SVEP1: variants seen among roughly 807,000 people sequenced by gnomAD.
The protein encoded by SVEP1 is sushi, von Willebrand factor type A, EGF and pentraxin domain containing 1.
A neutral mutation model predicts 367.3 loss-of-function variants in SVEP1; 164 were observed. That is an observed-to-expected ratio of 0.45 (90% confidence interval 0.39 to 0.51). The LOEUF is 0.51. Among genes scored for constraint, SVEP1 ranks in the 20% least tolerant of loss-of-function variants. The pLI is 0.00. For synonymous variants in SVEP1, 1,666 were observed against 1,611.6 expected (o/e 1.03, Z -0.81); for missense variants, 4,117 against 4,425.3 (o/e 0.93, Z 1.98).
chr9:110,486,303 A>G (rs1383772871), intron 9 of SVEP1, among the ~76,000 whole-genome samples: 2 of 152,230 alleles, frequency 1.3e-5, no homozygotes, highest in African/African-American at 4.8e-5. Context: ...AAGTTAAATC[A>G]CAGGTGCAAG....
chr9:110,369,436 TA>T (rs1321616571), intron 47 of SVEP1, among the ~76,000 whole-genome samples: 7 of 152,252 alleles, frequency 4.6e-5, no homozygotes, highest in African/African-American at 1.7e-4. Context: ...AATTCAATAC[TA>T]TTTTTATTGT....
intron 8 of SVEP1, among the ~76,000 whole-genome samples, chr9:110,491,817 A>G (rs552847549): frequency 6.6e-6 from 1 of 152,206 alleles, no homozygotes; most frequent in East Asian, 1.9e-4. Context: ...AAAAAACAGA[A>G]TGAATGGAAT....
chr9:110,400,973 A>G lies in SVEP1; in HGVS notation c.9703T>C (p.Ser3235Pro). The G allele has an allele frequency of 1.9e-6, 3 of 1,613,898 alleles. No homozygotes were observed. In the South Asian group the frequency reaches 3.3e-5, roughly 18 times the overall value. The change falls in exon 40 of 48, where the codon TCT becomes CCT. Residue 3235 changes from serine (S) to proline (P), a missense_variant. Transcript: ENST00000374469. ...GTWEPPFSDE[S>P]CSPVSCGKPE... is the part of the protein sequence containing the mutation. ...TTCCCACAAGAAACTGGACTGCAAG[A>G]TTCATCGGAGAATGGTGGCTCCCAG...
intron 40 of SVEP1, among the ~76,000 whole-genome samples, chr9:110,392,887 G>A (rs1015508000): frequency 2.6e-5 from 4 of 152,162 alleles, no homozygotes; most frequent in African/African-American, 9.7e-5. Flanking sequence ...CTTTCGATGT[G>A]TAGTCTTTGT....
chr9:110,443,427 A>T, intron 27 of SVEP1, 118 bp downstream of exon 27: 1 of 932,968 alleles, frequency 1.1e-6, no homozygotes, highest in Non-Finnish European at 1.5e-6. Context: ...GAAATAAGAG[A>T]GATAGCTGTT....
intron 1 of SVEP1, among the ~76,000 whole-genome samples, chr9:110,566,324 T>TAATAAATA (rs199990111): frequency 1.0e-3 from 144 of 142,002 alleles, no homozygotes; most frequent in Admixed American, 1.6e-3. Flanking sequence ...CCTGTCTCCA[T>TAATAAATA]AATAAATAAA....
At chr9:110,450,579 C>T (rs1828678622) in intron 23 of SVEP1, among the ~76,000 whole-genome samples, 1 of 148,544 alleles carries the variant, frequency 6.7e-6, no homozygotes, top group Admixed American at 6.8e-5. Context: ...AAGCGATTCT[C>T]CTGCCTCAGC....
Position 110,564,635 on chromosome 9 carries a change from C to T in SVEP1, c.531+14378G>A, listed in dbSNP as rs904724594. Among the ~76,000 whole-genome samples the T allele has an allele frequency of 9.9e-5, 15 of 152,016 alleles. No individual in the cohort carries two copies. The East Asian group carries it at 1.2e-3, about 12-fold the overall frequency. On this transcript the variant is annotated intron_variant, in intron 1 of 47. Coordinates refer to ENST00000374469, the MANE Select transcript of SVEP1 (RefSeq NM_153366.4). ...AACATTTATTAGCATTCCAAATAAA[C>T]GACATTTGGAAGTTTGTTTCATTTT...
chr9:110,541,423 G>A (rs1483566800), intron 3 of SVEP1, among the ~76,000 whole-genome samples: 1 of 151,962 alleles, frequency 6.6e-6, no homozygotes, highest in Non-Finnish European at 1.5e-5. Context: ...CCTTTAGTAG[G>A]TGCAAGGGCT....
rs776411922 is a variant in SVEP1 at position 110,402,495 on chromosome 9, C to T, written c.9667-1486G>A. ...AAAAGGGTCTATTCTACTTTTCAGA[C>T]CAAAAATTTAAACCAAAACCCAGTT... On this transcript the variant is annotated intron_variant, in intron 39 of 47. Coordinates refer to ENST00000374469, the MANE Select transcript of SVEP1 (RefSeq NM_153366.4). 6.6e-5 allele frequency among the ~76,000 whole-genome samples: 10 copies of T among 151,846 alleles called. No homozygotes were observed. The South Asian group carries it at 2.1e-3, about 32-fold the overall frequency.
rs758612755 is a variant in SVEP1, at chr9:110,432,017, C to T, written c.5251G>A (p.Val1751Ile). 3 of 1,608,348 alleles carry T rather than the reference C, an allele frequency of 1.9e-6. No individual in the cohort carries two copies. The highest frequency in any genetic ancestry group is 1.3e-5 in the African/African-American group (1 of 74,736). Residue 1751 changes from valine (V) to isoleucine (I), a missense_variant, in exon 32 of 48, where the codon GTT becomes ATT. By Grantham distance (29) the Val-to-Ile change is conservative. Transcript: ENST00000374469. ...PSCLDVDECA[V>I]GSDCSEHASC... ...GCATGCTCACTACAATCTGATCCAACTGCACACTCATCGACATCTAAAATG... is the reference window on the plus strand; with the variant it reads ...GCATGCTCACTACAATCTGATCCAATTGCACACTCATCGACATCTAAAATG...
At chr9:110,446,631 T>C (rs1276001964) in intron 25 of SVEP1, among the ~76,000 whole-genome samples, 2 of 152,244 alleles carry the variant, frequency 1.3e-5, no homozygotes, top group African/African-American at 4.8e-5. Context: ...TCATTTCTAT[T>C]ATAAATAAGT....
At chr9:110,394,008 A>G (rs1040895153) in intron 40 of SVEP1, among the ~76,000 whole-genome samples, 3 of 152,186 alleles carry the variant, frequency 2.0e-5, no homozygotes, top group African/African-American at 7.2e-5. Flanking sequence ...TGAAGAGAAT[A>G]ATGGTTCTCC....
At position 110,552,203 on chromosome 9, in the gene SVEP1, T is replaced by G. The variant is rs565993827; in HGVS notation, c.532-2099A>C. 1.9e-3 allele frequency among the ~76,000 whole-genome samples: 285 copies of G among 151,854 alleles called. 2 individuals are homozygous for G. The highest frequency in any genetic ancestry group is 6.2e-3 in the African/African-American group (257 of 41,426). On this transcript the variant is annotated intron_variant, in intron 1 of 47. Transcript: ENST00000374469. ...CATACCACCATGCCCAGCTAATTTT[T>G]GTATTTGTAGTAGAAACAGGGTTTC...
intron 39 of SVEP1, among the ~76,000 whole-genome samples, chr9:110,402,733 CAG>C (rs1827882968): frequency 6.6e-6 from 1 of 152,174 alleles, no homozygotes; most frequent in Admixed American, 6.6e-5. Flanking sequence ...TCAGACAGCT[CAG>C]AGTCTTAGAC....
chr9:110,537,799 T>G (rs1246456172), intron 3 of SVEP1, among the ~76,000 whole-genome samples: 1 of 151,918 alleles, frequency 6.6e-6, no homozygotes, highest in African/African-American at 2.4e-5. Flanking sequence ...CCAAAAAAAT[T>G]TAGATGGCCA....
chr9:110,576,227 T>TCACACA (rs57822772), intron 1 of SVEP1, among the ~76,000 whole-genome samples: 1,790 of 150,012 alleles, frequency 0.012, 31 homozygotes, highest in African/African-American at 0.038. Context: ...ATAGGTAGTC[T>TCACACA]CACACACACA....
intron 27 of SVEP1, among the ~76,000 whole-genome samples, chr9:110,440,532 T>G (rs1378669433): frequency 6.6e-6 from 1 of 152,150 alleles, no homozygotes; most frequent in Non-Finnish European, 1.5e-5. Context: ...TAAGGGAAAA[T>G]TCATGCATAA....
chr9:110,384,438 G>C (rs993924836), intron 43 of SVEP1, among the ~76,000 whole-genome samples: 2 of 148,512 alleles, frequency 1.3e-5, no homozygotes. Flanking sequence ...CTTCTCGGTG[G>C]GAGGCTCCGG....
Sources: allele counts gnomAD v4.1 joint callset (sites outside exome capture counted in the v4.1 genomes callset), GRCh38; gene constraint gnomAD v4.1.1; transcripts MANE v1.5; gene names NCBI Gene and HGNC (gene_info 2026-07-23, HGNC 2026-07-21).